CSMD1: variants seen among roughly 807,000 people sequenced by gnomAD.
The protein encoded by CSMD1 is CUB and sushi domain-containing protein 1.
CSMD1 carries 213 observed loss-of-function variants against 417.5 expected under a neutral mutation model. The observed-to-expected ratio is 0.51, with a 90% CI of 0.46 to 0.57. The LOEUF is 0.57. Among genes scored for constraint, CSMD1 ranks in the 20% least tolerant of loss-of-function variants. The pLI, the probability that CSMD1 is intolerant of heterozygous loss-of-function variation, is 0.00. For missense variants in CSMD1, 6,923 were observed against 4,529.7 expected (o/e 1.53, Z -15.17); for synonymous variants, 2,862 against 1,736.8 (o/e 1.65, Z -16.11).
chr8:3,343,533 C>A, intron 22 of CSMD1, 83 bp from the exon 23 acceptor site: 4 of 1,237,802 alleles, frequency 3.2e-6, no homozygotes, highest in East Asian at 2.5e-5. Flanking sequence ...TCCAAATCTT[C>A]AAAGATGCAG....
At chr8:4,153,576 G>A (rs1268178967) in intron 3 of CSMD1, among the ~76,000 whole-genome samples, 1 of 152,216 alleles carries the variant, frequency 6.6e-6, no homozygotes, top group Non-Finnish European at 1.5e-5. Flanking sequence ...GGGAAATGCT[G>A]CATTCCGTCA....
intron 12 of CSMD1, among the ~76,000 whole-genome samples, chr8:3,462,965 C>T (rs945348618): frequency 9.9e-5 from 15 of 152,186 alleles, no homozygotes; most frequent in Admixed American, 9.2e-4. Context: ...TGAAGGATGT[C>T]CAGGCTTGTG....
At chr8:3,616,830 T>C (rs370748919) in intron 7 of CSMD1, 33 bp from the exon 8 acceptor site, 62 of 1,462,346 alleles carry the variant, frequency 4.2e-5, no homozygotes, top group Non-Finnish European at 5.5e-5. Flanking sequence ...CAAAATGCTG[T>C]ATAGTTATTG....
At chr8:4,016,829 G>A (rs1228121479) in intron 4 of CSMD1, among the ~76,000 whole-genome samples, 2 of 152,172 alleles carry the variant, frequency 1.3e-5, no homozygotes, top group Non-Finnish European at 2.9e-5. Context: ...TGAGGTTGTT[G>A]GAAGTCATGT....
At chr8:3,765,995 G>A (rs1798248233) in intron 5 of CSMD1, among the ~76,000 whole-genome samples, 1 of 152,218 alleles carries the variant, frequency 6.6e-6, no homozygotes, top group South Asian at 2.1e-4. Flanking sequence ...AGGCAGAGAG[G>A]ATCATTTGGG....
intron 25 of CSMD1, among the ~76,000 whole-genome samples, chr8:3,286,311 G>C (rs886520017): frequency 6.6e-6 from 1 of 152,130 alleles, no homozygotes; most frequent in Non-Finnish European, 1.5e-5. Context: ...CTTTATAGCA[G>C]CATGATTTAT....
chr8:3,798,492 G>C (rs911348060), intron 5 of CSMD1, among the ~76,000 whole-genome samples: 2 of 152,078 alleles, frequency 1.3e-5, no homozygotes, highest in Admixed American at 6.6e-5. Context: ...ATATACTGCA[G>C]AAGGTCAAAA....
In CSMD1 at chr8:3,223,758, C is replaced by T. The variant is rs755542937; in HGVS notation, c.4455G>A (p.Pro1485=). 3.3e-5 allele frequency: 53 copies of T among 1,613,658 alleles called. 1 individual carries two copies. The highest frequency in any genetic ancestry group is 3.3e-4 in the Middle Eastern group (2 of 6,082). The change falls in exon 28 of 70, where the codon CCG becomes CCA. Residue 1485 remains proline, a synonymous_variant. Coordinates refer to ENST00000635120, the MANE Select transcript of CSMD1 (RefSeq NM_033225.6). The part of the protein sequence containing the change: ...KECDWRVKVN[P]DFVIALIFKS... ...TGAATATCAAGGCGATGACAAAGTC[C>T]GGGTTCACTTTTACTCTCCAGTCAC...
At chr8:4,589,417 C>G (rs1033281367) in intron 2 of CSMD1, among the ~76,000 whole-genome samples, 16 of 152,074 alleles carry the variant, frequency 1.1e-4, no homozygotes, top group South Asian at 2.1e-4. Flanking sequence ...AAGGAATAGA[C>G]TATTTCTTTT....
intron 4 of CSMD1, among the ~76,000 whole-genome samples, chr8:3,998,775 C>G (rs1815426133): frequency 6.6e-6 from 1 of 151,660 alleles, no homozygotes; most frequent in Non-Finnish European, 1.5e-5. Flanking sequence ...AGAAAGGAAA[C>G]AGATCTTGGT....
At chr8:3,031,645 T>C (rs1415222635) in intron 50 of CSMD1, among the ~76,000 whole-genome samples, 1 of 151,942 alleles carries the variant, frequency 6.6e-6, no homozygotes, top group African/African-American at 2.4e-5. Context: ...GTGATCCTCA[T>C]GCTCAGCCTC....
intron 3 of CSMD1, among the ~76,000 whole-genome samples, chr8:4,136,371 C>G (rs1373820877): frequency 6.6e-6 from 1 of 152,122 alleles, no homozygotes; most frequent in Non-Finnish European, 1.5e-5. Context: ...ACAAATGAAG[C>G]TGCCTGCCTG....
At chr8:4,927,307 C>T (rs980974334) in intron 1 of CSMD1, among the ~76,000 whole-genome samples, 43 of 152,110 alleles carry the variant, frequency 2.8e-4, no homozygotes, top group African/African-American at 9.9e-4. Context: ...ATCTGCCAGC[C>T]TCAGCTTCCC....
chr8:3,143,924 A>T (rs952928004), intron 40 of CSMD1, among the ~76,000 whole-genome samples: 14 of 152,232 alleles, frequency 9.2e-5, no homozygotes, highest in Non-Finnish European at 2.1e-4. Context: ...AAAAAGGAAG[A>T]AAAAAGTCCA....
At chr8:4,057,751 T>C (rs1221242760) in intron 3 of CSMD1, among the ~76,000 whole-genome samples, 1 of 152,106 alleles carries the variant, frequency 6.6e-6, no homozygotes, top group Non-Finnish European at 1.5e-5. Context: ...TTTCTACATA[T>C]GGCTAGCCAG....
chr8:4,048,868 G>C (rs908952903), intron 3 of CSMD1, among the ~76,000 whole-genome samples: 2 of 152,136 alleles, frequency 1.3e-5, no homozygotes, highest in African/African-American at 2.4e-5. Context: ...GATAGATCAA[G>C]CTCATTTTTA....
At chr8:3,985,321 A>G (rs139780506) in intron 5 of CSMD1, among the ~76,000 whole-genome samples, 115 of 152,318 alleles carry the variant, frequency 7.5e-4, no homozygotes, top group African/African-American at 2.6e-3. Context: ...AAGCAGGCAT[A>G]TATGTTTTCG....
At chr8:2,993,374 C>A (rs1024159781) in intron 54 of CSMD1, among the ~76,000 whole-genome samples, 12 of 152,122 alleles carry the variant, frequency 7.9e-5, no homozygotes, top group African/African-American at 4.8e-5. Flanking sequence ...TTGCCAATAT[C>A]CTGTAAACTG....
At chr8:3,595,607 G>A (rs567555302) in intron 8 of CSMD1, among the ~76,000 whole-genome samples, 4 of 152,130 alleles carry the variant, frequency 2.6e-5, no homozygotes, top group African/African-American at 4.8e-5. Flanking sequence ...TGGTTCCAGG[G>A]TATAAGCAAC....
Sources: gnomAD v4.1 joint callset for allele counts (sites outside exome capture counted in the v4.1 genomes callset) on GRCh38, gnomAD v4.1.1 for gene constraint, MANE v1.5 for transcripts, NCBI Gene and HGNC (gene_info 2026-07-23, HGNC 2026-07-21) for gene names.